The following BCAS3 variants were observed in gnomAD, a reference collection of about 807,000 sequenced individuals.
BCAS3 encodes BCAS3 microtubule associated cell migration factor.
In BCAS3, 53 loss-of-function variants were observed where a neutral mutation model predicts 116.1. That is an observed-to-expected ratio of 0.46 (90% CI 0.37 to 0.57). The LOEUF is 0.57. Among genes scored for constraint, BCAS3 ranks in the 20% least tolerant of loss-of-function variants. The pLI is 0.00. For missense variants in BCAS3, 917 were observed against 1,165.4 expected, an observed-to-expected ratio of 0.79 and a Z score of 3.10; for synonymous variants, 391 against 408.2, an observed-to-expected ratio of 0.96 and a Z score of 0.51.
In BCAS3 at chr17:61,200,608, T is replaced by C. The variant is rs949849154; in HGVS notation, c.2425+116044T>C. On this transcript the variant is annotated intron_variant, in intron 22 of 23. Transcript: ENST00000407086. This position sits in a 1 kb window ranked among gnomAD's most constrained non-coding sequence, Gnocchi z 5.1. ...GAAGAGGCATTAGGACTAGAGCGTA[T>C]TTCTTTTGATTATCAATGCGGGTGG... is the stretch of plus-strand genomic sequence containing the variant. Among the ~76,000 whole-genome samples, 9 of 152,220 alleles carry C rather than the reference T, an allele frequency of 5.9e-5. No homozygotes were observed. The highest frequency in any genetic ancestry group is 1.9e-4 in the African/African-American group (8 of 41,450).
At chr17:60,679,421 G>GTTTT in intron 1 of BCAS3, 32 bp from the exon 2 acceptor site, 1 of 1,530,926 alleles carries the variant, frequency 6.5e-7, no homozygotes. Flanking sequence ...ATGTTTTTCT[G>GTTTT]TTTTTTGTTT....
Position 61,205,786 on chromosome 17 carries a change from C to T in BCAS3, c.2425+121222C>T, listed in dbSNP as rs765091374. Among the ~76,000 whole-genome samples, 4 of 152,116 alleles carry T rather than the reference C, an allele frequency of 2.6e-5. No homozygotes were observed. Among genetic ancestry groups the T allele is most frequent in the African/African-American group, 4.8e-5 (2 of 41,414 alleles). The stretch of plus-strand genomic sequence containing the variant: ...AAAGTTTCTGAAGCTTTGTAGGAGC[C>T]GCAGAGTGTACCTAGTTTTGCCAGG... On this transcript the variant is annotated intron_variant, in intron 22 of 23. Coordinates refer to ENST00000407086, the MANE Select transcript of BCAS3 (RefSeq NM_017679.5). This position sits in a 1 kb window ranked among gnomAD's most constrained non-coding sequence, Gnocchi z 5.2.
At chr17:61,090,594 A>G (rs2073470338) in intron 22 of BCAS3, among the ~76,000 whole-genome samples, 1 of 152,224 alleles carries the variant, frequency 6.6e-6, no homozygotes, top group Non-Finnish European at 1.5e-5. Flanking sequence ...ATTTGCCCAT[A>G]AGGAAAATGC....
rs934636927 is a variant in BCAS3 at position 61,205,038 on chromosome 17, A to T, written c.2425+120474A>T. Among the ~76,000 whole-genome samples, 1 of 152,164 alleles carries T rather than the reference A, an allele frequency of 6.6e-6. No individual in the cohort carries two copies. The highest frequency in any genetic ancestry group is 2.4e-5 in the African/African-American group (1 of 41,436). Reference sequence around the variant, plus strand: ...AGAGTGAGACCTTGTCTCAAAAAAAATTAAAGAATGACAGGATAAAAATTT... The same window carrying T: ...AGAGTGAGACCTTGTCTCAAAAAAATTTAAAGAATGACAGGATAAAAATTT... On this transcript the variant is annotated intron_variant, in intron 22 of 23. Transcript: ENST00000407086. This position sits in a 1 kb window ranked among gnomAD's most constrained non-coding sequence, Gnocchi z 5.2.
chr17:60,866,420 C>T (rs2054600170), intron 7 of BCAS3, among the ~76,000 whole-genome samples: 1 of 152,050 alleles, frequency 6.6e-6, no homozygotes, highest in Admixed American at 6.6e-5. Flanking sequence ...TGAGCCACTG[C>T]CCCCAGCTAT....
Position 61,349,923 on chromosome 17 carries a change from C to T in BCAS3, c.2426-18404C>T, listed in dbSNP as rs1051486513. Among the ~76,000 whole-genome samples the T allele has an allele frequency of 2.6e-5, 4 of 152,184 alleles. No individual in the cohort carries two copies. Among genetic ancestry groups the T allele is most frequent in the African/African-American group, 7.2e-5 (3 of 41,448 alleles). On this transcript the variant is annotated intron_variant, in intron 22 of 23. Transcript: ENST00000407086. The surrounding 1 kb of genome is among the most constrained non-coding windows in gnomAD (Gnocchi z 4.7). The stretch of plus-strand genomic sequence containing the variant: ...AAATTGCAAATTTGTGAAATTCAAA[C>T]ATTGTCATTCATTTCTGAATAGTTA...
chr17:60,842,350 G>A (rs2052022502), intron 7 of BCAS3, among the ~76,000 whole-genome samples: 2 of 151,754 alleles, frequency 1.3e-5, no homozygotes, highest in South Asian at 4.2e-4. Context: ...TGGTGAATTA[G>A]GATACTTATA....
intron 6 of BCAS3, among the ~76,000 whole-genome samples, chr17:60,748,638 C>T (rs2042197564): frequency 6.6e-6 from 1 of 152,150 alleles, no homozygotes; most frequent in African/African-American, 2.4e-5. Context: ...AGATTTTTCC[C>T]TCTTCATGTT....
chr17:61,224,484 G>T lies in BCAS3; in HGVS notation c.2425+139920G>T, dbSNP rs2082274100. 6.6e-6 allele frequency among the ~76,000 whole-genome samples: 1 copy of T among 152,222 alleles called. No individual in the cohort carries two copies. Among genetic ancestry groups the T allele is most frequent in the African/African-American group, 2.4e-5 (1 of 41,462 alleles). On this transcript the variant is annotated intron_variant, in intron 22 of 23. Coordinates refer to ENST00000407086, the MANE Select transcript of BCAS3 (RefSeq NM_017679.5). The surrounding 1 kb of genome is among the most constrained non-coding windows in gnomAD (Gnocchi z 5.7). ...AGGGTGTACATATGGGGACGAGCAG[G>T]TGGTTTGGTTTGCCCATCAGACAGT...
chr17:61,221,852 T>A (rs1026101756), intron 22 of BCAS3, among the ~76,000 whole-genome samples: 5 of 152,198 alleles, frequency 3.3e-5, no homozygotes, highest in African/African-American at 1.2e-4. Flanking sequence ...GCTAACCACC[T>A]CACTAACTAG....
rs1568812097 is a variant in BCAS3, at chr17:61,307,868, T to C, written c.2426-60459T>C. Among the ~76,000 whole-genome samples the C allele has an allele frequency of 6.6e-6, 1 of 152,186 alleles. No homozygotes were observed. Among genetic ancestry groups the C allele is most frequent in the Non-Finnish European group, 1.5e-5 (1 of 68,024 alleles). On this transcript the variant is annotated intron_variant, in intron 22 of 23. Transcript: ENST00000407086. The surrounding 1 kb of genome is among the most constrained non-coding windows in gnomAD (Gnocchi z 4.7). ...CAAATGCACAGCAAAACATCTGATA[T>C]ATGGTTACAGATCTAACACAAATAA...
rs1030864571 is a variant in BCAS3 at position 61,227,463 on chromosome 17, G to C, written c.2426-140864G>C. On this transcript the variant is annotated intron_variant, in intron 22 of 23. Transcript: ENST00000407086. This position sits in a 1 kb window ranked among gnomAD's most constrained non-coding sequence, Gnocchi z 6.1. ...TAAGAACAGAGGAACTCTAGGGACT[G>C]TAAGAAGTTTGAAACAGAAAAGGGC... Among the ~76,000 whole-genome samples, 1 of 152,340 alleles carries C rather than the reference G, an allele frequency of 6.6e-6. No individual in the cohort carries two copies. The highest frequency in any genetic ancestry group is 1.9e-4 in the East Asian group (1 of 5,184).
Position 61,198,056 on chromosome 17 carries a change from A to G in BCAS3, c.2425+113492A>G, listed in dbSNP as rs964339988. Among the ~76,000 whole-genome samples, 1 of 152,054 alleles carries G rather than the reference A, an allele frequency of 6.6e-6. No individual in the cohort carries two copies. The highest frequency in any genetic ancestry group is 2.4e-5 in the African/African-American group (1 of 41,396). Reference sequence around the variant, plus strand: ...AGAAAAGTAGGTCATCTTCATGTTTATATCCACTGAGTCTGGCACATATGA... The same window carrying G: ...AGAAAAGTAGGTCATCTTCATGTTTGTATCCACTGAGTCTGGCACATATGA... On this transcript the variant is annotated intron_variant, in intron 22 of 23. Coordinates refer to ENST00000407086, the MANE Select transcript of BCAS3 (RefSeq NM_017679.5). The surrounding 1 kb of genome is among the most constrained non-coding windows in gnomAD (Gnocchi z 5.0).
chr17:60,702,596 T>TC (rs1375508525), intron 4 of BCAS3, among the ~76,000 whole-genome samples: 2 of 152,118 alleles, frequency 1.3e-5, no homozygotes, highest in African/African-American at 2.4e-5. Context: ...AAAAGGAATT[T>TC]TTTTTTTCTT....
chr17:60,836,659 A>G (rs1010285671), intron 7 of BCAS3, among the ~76,000 whole-genome samples: 5 of 152,086 alleles, frequency 3.3e-5, no homozygotes, highest in African/African-American at 1.2e-4. Context: ...AAATGTTGGA[A>G]TTTTTCATTA....
rs1211065073 is a variant in BCAS3 at position 60,799,702 on chromosome 17, T to A, written c.404-8302T>A. ...CGCCACTACGCCTGGCTAATTTTTTTCTTTTCTTTTTTTTTTTTTTTTTTT... is the reference window on the plus strand; with the variant it reads ...CGCCACTACGCCTGGCTAATTTTTTACTTTTCTTTTTTTTTTTTTTTTTTT... On this transcript the variant is annotated intron_variant, in intron 6 of 23. Coordinates refer to ENST00000407086, the MANE Select transcript of BCAS3 (RefSeq NM_017679.5). 1.2e-4 allele frequency among the ~76,000 whole-genome samples: 15 copies of A among 122,068 alleles called. No homozygotes were observed. The East Asian group carries it at 3.0e-3, about 24-fold the overall frequency. 80.1% of individuals were successfully genotyped at this position (122,068 alleles called of 152,430 possible).
intron 6 of BCAS3, among the ~76,000 whole-genome samples, chr17:60,764,936 T>C (rs993185658): frequency 3.5e-5 from 5 of 144,194 alleles, no homozygotes; most frequent in Non-Finnish European, 7.4e-5. Flanking sequence ...AATTGTTCCC[T>C]TTACCATTAA....
intron 15 of BCAS3, among the ~76,000 whole-genome samples, chr17:60,996,144 A>G (rs2063819582): frequency 6.6e-6 from 1 of 152,122 alleles, no homozygotes; most frequent in African/African-American, 2.4e-5. Context: ...TTCACTCAGC[A>G]TGAGATGGAG....
intron 22 of BCAS3, among the ~76,000 whole-genome samples, chr17:61,142,720 T>C (rs2076989561): frequency 6.6e-6 from 1 of 152,156 alleles, no homozygotes; most frequent in African/African-American, 2.4e-5. Flanking sequence ...GGGATTTGCT[T>C]CAAAATAATA....
Sources: gnomAD v4.1 joint callset for allele counts (sites outside exome capture counted in the v4.1 genomes callset) on GRCh38, gnomAD v4.1.1 for gene constraint, Gnocchi (gnomAD v3.1) non-coding constraint, MANE v1.5 for transcripts, NCBI Gene and HGNC (gene_info 2026-07-23, HGNC 2026-07-21) for gene names.